The following MARCHF1 variants were observed in gnomAD, a reference collection of about 807,000 sequenced individuals.
MARCHF1 encodes E3 ubiquitin-protein ligase MARCHF1.
MARCHF1 carries 40 observed loss-of-function variants against 54.2 expected under a neutral mutation model. The observed-to-expected ratio is 0.74, with a 90% CI of 0.57 to 0.96. The LOEUF (loss-of-function observed/expected upper bound fraction) is 0.96. Ranked by LOEUF, MARCHF1 falls within the 40% of genes least tolerant of loss-of-function variation. MARCHF1 has a pLI of 0.00. For synonymous variants in MARCHF1, 236 were observed against 236.3 expected (o/e 1.00, Z 0.01); for missense variants, 586 against 656.5 (o/e 0.89, Z 1.17).
At chr4:164,278,160 A>G (rs1374170187) in intron 1 of MARCHF1, among the ~76,000 whole-genome samples, 2 of 152,142 alleles carry the variant, frequency 1.3e-5, no homozygotes, top group Non-Finnish European at 2.9e-5. Flanking sequence ...AAATACAAAA[A>G]TTAGCCAAGT....
At chr4:163,820,307 G>A (rs539052416) in intron 4 of MARCHF1, among the ~76,000 whole-genome samples, 2 of 152,104 alleles carry the variant, frequency 1.3e-5, no homozygotes, top group East Asian at 3.9e-4. Flanking sequence ...AAACTTCCAT[G>A]TCACAGCCCT....
At chr4:164,124,560 T>G (rs1756140678) in intron 1 of MARCHF1, among the ~76,000 whole-genome samples, 1 of 152,168 alleles carries the variant, frequency 6.6e-6, no homozygotes, top group East Asian at 1.9e-4. Flanking sequence ...ATAAAGAAAA[T>G]GTGTTACATA....
chr4:163,737,196 ATTTAT>A (rs1235895590), intron 4 of MARCHF1, among the ~76,000 whole-genome samples: 1 of 31,204 alleles, frequency 3.2e-5, no homozygotes, highest in African/African-American at 9.5e-5. Context: ...ATATTAGTTT[ATTTAT>A]TTATTTTTTT....
chr4:164,202,483 T>C (rs1731481825), intron 1 of MARCHF1, among the ~76,000 whole-genome samples: 1 of 152,162 alleles, frequency 6.6e-6, no homozygotes, highest in Non-Finnish European at 1.5e-5. Flanking sequence ...TATAAAATAA[T>C]TTGTATTTTT....
At chr4:164,069,678 T>G (rs2111087765) in intron 2 of MARCHF1, among the ~76,000 whole-genome samples, 1 of 152,210 alleles carries the variant, frequency 6.6e-6, no homozygotes, top group African/African-American at 2.4e-5. Context: ...CTTTAAGAAC[T>G]GTAACACTCA....
chr4:163,638,518 A>G (rs1298080567), intron 5 of MARCHF1, among the ~76,000 whole-genome samples: 1 of 152,192 alleles, frequency 6.6e-6, no homozygotes. Flanking sequence ...GAAGCTGAGC[A>G]CATGCTGGTG....
intron 4 of MARCHF1, among the ~76,000 whole-genome samples, chr4:163,794,406 T>C (rs193273887): frequency 1.3e-5 from 2 of 152,326 alleles, no homozygotes; most frequent in Admixed American, 1.3e-4. Context: ...CTGGTGGTTT[T>C]GCAAAGTTCC....
intron 2 of MARCHF1, among the ~76,000 whole-genome samples, chr4:164,013,532 CAAG>C (rs1207313963): frequency 6.6e-6 from 1 of 151,912 alleles, no homozygotes; most frequent in Non-Finnish European, 1.5e-5. Flanking sequence ...TAGCCAAGTA[CAAG>C]AAGATTTTAA....
At chr4:164,078,038 C>T (rs775639927) in intron 2 of MARCHF1, among the ~76,000 whole-genome samples, 1 of 152,126 alleles carries the variant, frequency 6.6e-6, no homozygotes, top group Non-Finnish European at 1.5e-5. Context: ...TGGGTATATA[C>T]CCAAAGGATT....
At chr4:163,530,079 T>C (rs1465336843) in intron 9 of MARCHF1, 2 of 152,042 alleles carry the variant, frequency 1.3e-5, no homozygotes, top group African/African-American at 2.4e-5. Flanking sequence ...ATTAGAGTTA[T>C]AAGAAATATC....
At chr4:164,081,995 T>C (rs544711463) in intron 2 of MARCHF1, among the ~76,000 whole-genome samples, 4 of 152,298 alleles carry the variant, frequency 2.6e-5, no homozygotes, top group East Asian at 3.9e-4. Flanking sequence ...CAAACATACA[T>C]AGGCCTGTTC....
intron 3 of MARCHF1, among the ~76,000 whole-genome samples, chr4:163,944,130 C>T (rs920185460): frequency 2.1e-5 from 2 of 94,182 alleles, no homozygotes; most frequent in Non-Finnish European, 4.1e-5. Context: ...CTGCACCGGG[C>T]TAATTTTTTT....
intron 4 of MARCHF1, among the ~76,000 whole-genome samples, chr4:163,717,080 T>A (rs1745284929): frequency 1.3e-5 from 2 of 151,778 alleles, no homozygotes; most frequent in Admixed American, 1.3e-4. Context: ...TGTGCCATGT[T>A]GGTGTGCTGC....
At chr4:164,321,935 A>G (rs1269860202) in intron 1 of MARCHF1, among the ~76,000 whole-genome samples, 2 of 152,126 alleles carry the variant, frequency 1.3e-5, no homozygotes, top group Non-Finnish European at 2.9e-5. Context: ...TAATGCTTTA[A>G]GCATTTTTCA....
At chr4:163,535,668 A>G (rs1738503446) in intron 9 of MARCHF1, among the ~76,000 whole-genome samples, 1 of 152,074 alleles carries the variant, frequency 6.6e-6, no homozygotes, top group Non-Finnish European at 1.5e-5. Context: ...GCTAAGTAAC[A>G]CAGTGGCATC....
chr4:163,908,814 T>G (rs1375289659), intron 3 of MARCHF1, among the ~76,000 whole-genome samples: 3 of 152,168 alleles, frequency 2.0e-5, no homozygotes, highest in African/African-American at 7.2e-5. Flanking sequence ...ACTGGATCAC[T>G]GTCCAGAAAT....
intron 2 of MARCHF1, among the ~76,000 whole-genome samples, chr4:164,028,887 A>AAGC (rs1753822396): frequency 6.6e-6 from 1 of 152,146 alleles, no homozygotes; most frequent in Non-Finnish European, 1.5e-5. Context: ...CCTGTTGTAA[A>AAGC]AGCAGGTTGT....
intron 1 of MARCHF1, among the ~76,000 whole-genome samples, chr4:164,350,969 G>A (rs1269952583): frequency 6.6e-6 from 1 of 152,022 alleles, no homozygotes; most frequent in African/African-American, 2.4e-5. Context: ...AGGGGTCAGG[G>A]AGTTCCCTTT....
At chr4:163,841,343 G>T (rs1053109397) in intron 4 of MARCHF1, among the ~76,000 whole-genome samples, 1 of 152,048 alleles carries the variant, frequency 6.6e-6, no homozygotes. Flanking sequence ...GATGTTAACA[G>T]TTGGGGAGAC....
Sources: gnomAD v4.1 joint callset for allele counts (sites outside exome capture counted in the v4.1 genomes callset) on GRCh38, gnomAD v4.1.1 for gene constraint, MANE v1.5 for transcripts, NCBI Gene and HGNC (gene_info 2026-07-23, HGNC 2026-07-21) for gene names.